LEPR: variants seen among roughly 807,000 people sequenced by gnomAD.
LEPR encodes leptin receptor.
In LEPR, 56 loss-of-function variants were observed where a neutral mutation model predicts 114.7. The observed-to-expected ratio is 0.49, with a 90% CI of 0.39 to 0.61. The LOEUF is 0.61. LEPR is among the 20% of genes least tolerant of loss of function. LEPR has a pLI of 0.00. For synonymous variants in LEPR, 443 were observed against 461.4 expected (o/e 0.96, Z 0.51); for missense variants, 1,202 against 1,352.9 (o/e 0.89, Z 1.75).
chr1:65,636,620 G>C lies in LEPR; in HGVS notation c.3103G>C (p.Ala1035Pro). The change falls in exon 20 of 20, where the codon GCA (alanine) becomes CCA (proline). Residue 1035 changes from alanine (A) to proline (P), a missense_variant. Physicochemically the swap from Ala to Pro is conservative, Grantham distance 27. Coordinates refer to ENST00000349533, the MANE Select transcript of LEPR (RefSeq NM_002303.6). The stretch of plus-strand genomic sequence containing the variant: ...TAGCTCATGGGAGATAGAGGCCCAG[G>C]CATTTTTTATATTATCAGATCAGCA... ...SNSSWEIEAQ[A>P]FFILSDQHPN... 7 of 1,613,496 alleles carry C rather than the reference G, an allele frequency of 4.3e-6. No individual in the cohort carries two copies. Among genetic ancestry groups the C allele is most frequent in the Non-Finnish European group, 5.9e-6 (7 of 1,179,796 alleles).
In LEPR at chr1:65,596,518, C is replaced by T; in HGVS notation, c.774C>T (p.Ser258=). 1.2e-6 allele frequency: 2 copies of T among 1,612,618 alleles called. No homozygotes were observed. Among genetic ancestry groups the T allele is most frequent in the Non-Finnish European group, 1.7e-6 (2 of 1,179,224 alleles). Reference sequence around the variant, plus strand: ...ATGGTAATTTAAAGATTTCTTGGTCCAGCCCACCATTGGTACCATTTCCAC... The same window carrying T: ...ATGGTAATTTAAAGATTTCTTGGTCTAGCCCACCATTGGTACCATTTCCAC... ...TDDGNLKISW[S]SPPLVPFPLQ... The change falls in exon 7 of 20, where the codon TCC becomes TCT. Residue 258 remains serine, a synonymous_variant. Coordinates refer to ENST00000349533, the MANE Select transcript of LEPR (RefSeq NM_002303.6).
At chr1:65,591,343 C>T (rs1372147031) in intron 5 of LEPR, among the ~76,000 whole-genome samples, 2 of 152,004 alleles carry the variant, frequency 1.3e-5, no homozygotes, top group African/African-American at 2.4e-5. Context: ...TCAGTTGATG[C>T]GTTGTTCACG....
At chr1:65,548,756 T>G (rs1014188244) in intron 2 of LEPR, among the ~76,000 whole-genome samples, 10 of 151,796 alleles carry the variant, frequency 6.6e-5, no homozygotes, top group African/African-American at 2.4e-4. Context: ...TCTTGACTCT[T>G]TATCCAATTT....
intron 2 of LEPR, among the ~76,000 whole-genome samples, chr1:65,552,292 C>T (rs1751482): frequency 0.67 from 101,536 of 151,986 alleles, 35,231 homozygotes; most frequent in African/African-American, 0.78. Flanking sequence ...ATCTGTCTAA[C>T]ATTGACAGTG....
intron 15 of LEPR, 103 bp downstream of exon 15, chr1:65,616,327 C>A: frequency 1.7e-6 from 2 of 1,206,504 alleles, no homozygotes; most frequent in Non-Finnish European, 2.4e-6. Flanking sequence ...CAATTCTCTG[C>A]ATCTGAAAGT....
In LEPR at chr1:65,634,889, C is replaced by G. The variant is rs988205823; in HGVS notation, c.2674-1302C>G. 13 of 790,318 alleles carry G rather than the reference C, an allele frequency of 1.6e-5. No individual in the cohort carries two copies. The African/African-American group carries it at 2.3e-4, about 14-fold the overall frequency. 49.0% of individuals were successfully genotyped at this position (790,318 alleles called of 1,614,324 possible). ...ATAGATTTCTTTCAGAAAAAAAAAA[C>G]AGGCATAGGAACAGTTTTCTCTTCA... On this transcript the variant is annotated intron_variant, in intron 19 of 19. Coordinates refer to ENST00000349533, the MANE Select transcript of LEPR (RefSeq NM_002303.6).
rs1657413086 is a variant in LEPR at position 65,614,645 on chromosome 1, T to C, written c.1996-1363T>C. ...ATGGTGGGACCCAGATTTCTCACTG[T>C]TGGATTGGGAGGTTACACACAAGCA... On this transcript the variant is annotated intron_variant, in intron 14 of 19. Transcript: ENST00000349533. Among the ~76,000 whole-genome samples, 4 of 152,264 alleles carry C rather than the reference T, an allele frequency of 2.6e-5. No individual in the cohort carries two copies. The South Asian group carries it at 8.3e-4, about 32-fold the overall frequency.
intron 19 of LEPR, chr1:65,623,253 G>A: frequency 6.1e-6 from 2 of 326,546 alleles, no homozygotes; most frequent in East Asian, 1.2e-4. Flanking sequence ...ATAAATATTA[G>A]AAAGTTAAGG....
At chr1:65,436,093 A>G (rs1646559514) in intron 2 of LEPR, 3 of 983,890 alleles carry the variant, frequency 3.0e-6, no homozygotes, top group African/African-American at 3.5e-5. Context: ...TCAGCAAGTT[A>G]ATTTTCCCAG....
rs1658782595 is a variant in LEPR, at chr1:65,638,347, AC to A, written c.*1333del. 6.6e-6 allele frequency: 1 copy of A among 152,232 alleles called. No individual in the cohort carries two copies. Among genetic ancestry groups the A allele is most frequent in the Non-Finnish European group, 1.5e-5 (1 of 68,034 alleles). 9.4% of individuals were successfully genotyped at this position (152,232 alleles called of 1,614,324 possible). ...AATACATAAGTTTATTATTTATTCA[AC>A]TTTTGGTACGGTAAAAAAATTCAAA... On this transcript the variant is annotated 3_prime_UTR_variant, in exon 20 of 20. Coordinates refer to ENST00000349533, the MANE Select transcript of LEPR (RefSeq NM_002303.6).
intron 2 of LEPR, among the ~76,000 whole-genome samples, chr1:65,456,837 T>C (rs1220474555): frequency 2.0e-5 from 3 of 152,190 alleles, no homozygotes; most frequent in Non-Finnish European, 4.4e-5. Context: ...TAATACCTAC[T>C]CTATTTGTTA....
intron 2 of LEPR, among the ~76,000 whole-genome samples, chr1:65,506,238 T>C (rs1391940468): frequency 1.3e-5 from 2 of 152,154 alleles, no homozygotes; most frequent in Admixed American, 1.3e-4. Flanking sequence ...GTTACCGGGA[T>C]TCAGTTGTTT....
intron 2 of LEPR, among the ~76,000 whole-genome samples, chr1:65,547,697 T>C (rs1324313400): frequency 1.3e-5 from 2 of 150,162 alleles, no homozygotes; most frequent in Non-Finnish European, 3.0e-5. Context: ...TTCTTCTCTC[T>C]TTTTTTCTTT....
intron 2 of LEPR, chr1:65,435,476 T>C: frequency 2.3e-6 from 1 of 430,840 alleles, no homozygotes; most frequent in African/African-American, 2.2e-5. Context: ...CACGCCATTC[T>C]CCTGCCTCAG....
chr1:65,632,986 A>C (rs1184536448), intron 19 of LEPR, among the ~76,000 whole-genome samples: 1 of 152,284 alleles, frequency 6.6e-6, no homozygotes, highest in South Asian at 2.1e-4. Flanking sequence ...AAGCCACCTT[A>C]GTTCAAAATT....
intron 2 of LEPR, among the ~76,000 whole-genome samples, chr1:65,456,445 C>T (rs753073283): frequency 3.9e-5 from 6 of 152,098 alleles, no homozygotes; most frequent in Non-Finnish European, 8.8e-5. Context: ...ATGGATTCAT[C>T]TATTTCTCTT....
chr1:65,514,532 G>C (rs1171273), intron 2 of LEPR, among the ~76,000 whole-genome samples: 108,023 of 152,114 alleles, frequency 0.71, 39,455 homozygotes, highest in Middle Eastern at 0.87. Flanking sequence ...ATAAACTTAT[G>C]CATTATTCCA....
At chr1:65,540,491 C>A (rs915029138) in intron 2 of LEPR, among the ~76,000 whole-genome samples, 8 of 152,074 alleles carry the variant, frequency 5.3e-5, no homozygotes, top group African/African-American at 1.9e-4. Context: ...CTTCTTCCAC[C>A]CTCTCTTGCT....
At chr1:65,427,342 G>A (rs530442963) in intron 2 of LEPR, among the ~76,000 whole-genome samples, 11 of 152,262 alleles carry the variant, frequency 7.2e-5, no homozygotes, top group East Asian at 1.9e-4. Context: ...GGGAGGCAAC[G>A]GTAGGAGGAT....
Sources: gnomAD v4.1 joint callset for allele counts (sites outside exome capture counted in the v4.1 genomes callset) on GRCh38, gnomAD v4.1.1 for gene constraint, MANE v1.5 for transcripts, NCBI Gene and HGNC (gene_info 2026-07-23, HGNC 2026-07-21) for gene names.